The following ELMO1 variants were observed in gnomAD, a reference collection of about 807,000 sequenced individuals.
The protein encoded by ELMO1 is engulfment and cell motility protein 1.
ELMO1 carries 26 observed loss-of-function variants against 98.9 expected under a neutral mutation model. The observed-to-expected ratio is 0.26, with a 90% CI of 0.19 to 0.36. The LOEUF is 0.36. ELMO1 is among the 10% of genes least tolerant of loss of function. The pLI is 1.00. For missense variants in ELMO1, 627 were observed against 935.2 expected (o/e 0.67, Z 4.30); for synonymous variants, 346 against 346.0 (o/e 1.00, Z 0.00).
At chr7:37,090,886 G>A (rs576609078) in intron 15 of ELMO1, among the ~76,000 whole-genome samples, 1 of 152,126 alleles carries the variant, frequency 6.6e-6, no homozygotes, top group African/African-American at 2.4e-5. Flanking sequence ...ATGGAGAATG[G>A]GTTCTAAATC....
chr7:37,303,551 A>G (rs1172311536), intron 4 of ELMO1, among the ~76,000 whole-genome samples: 1 of 152,208 alleles, frequency 6.6e-6, no homozygotes, highest in Non-Finnish European at 1.5e-5. Flanking sequence ...TAAGAATCAC[A>G]GAGCCATTCT....
At chr7:37,225,081 G>A in intron 8 of ELMO1, 51 bp from the exon 9 acceptor site, 1 of 1,606,012 alleles carries the variant, frequency 6.2e-7, no homozygotes, top group African/African-American at 1.3e-5. Context: ...GTAGAGCAGA[G>A]ACGTGGAGAA....
chr7:37,115,568 T>C (rs1365166989), intron 14 of ELMO1, among the ~76,000 whole-genome samples: 2 of 151,724 alleles, frequency 1.3e-5, no homozygotes, highest in Admixed American at 6.6e-5. Flanking sequence ...AAAAAAAAAC[T>C]CTCAGCAAAC....
intron 16 of ELMO1, among the ~76,000 whole-genome samples, chr7:36,957,675 A>G (rs1352409442): frequency 1.3e-5 from 2 of 152,200 alleles, no homozygotes; most frequent in Non-Finnish European, 2.9e-5. Flanking sequence ...GTTTACAAGC[A>G]CCATCTTGTG....
chr7:37,140,262 T>C (rs953833977), intron 13 of ELMO1, among the ~76,000 whole-genome samples: 2 of 150,160 alleles, frequency 1.3e-5, no homozygotes, highest in Non-Finnish European at 3.0e-5. Flanking sequence ...GGCAGGCGCC[T>C]ATAGTCCCAA....
At chr7:36,877,627 A>C (rs1301983108) in intron 19 of ELMO1, among the ~76,000 whole-genome samples, 1 of 152,212 alleles carries the variant, frequency 6.6e-6, no homozygotes, top group Non-Finnish European at 1.5e-5. Flanking sequence ...TAAATGTTGT[A>C]GGGGTCAGGC....
At chr7:37,339,743 G>C (rs981210607) in intron 2 of ELMO1, among the ~76,000 whole-genome samples, 1 of 151,938 alleles carries the variant, frequency 6.6e-6, no homozygotes, top group African/African-American at 2.4e-5. Context: ...CTAATTGCCC[G>C]TCTAGGTTTC....
intron 1 of ELMO1, among the ~76,000 whole-genome samples, chr7:37,434,455 T>A (rs1220733023): frequency 6.6e-6 from 1 of 152,224 alleles, no homozygotes; most frequent in African/African-American, 2.4e-5. Flanking sequence ...CTGTTTAAAA[T>A]TTAAAGAAGA....
At chr7:37,349,873 G>A (rs1315594271) in intron 1 of ELMO1, among the ~76,000 whole-genome samples, 2 of 152,320 alleles carry the variant, frequency 1.3e-5, no homozygotes, top group Non-Finnish European at 2.9e-5. Context: ...TCCTTCTTAT[G>A]CCAAACAGAC....
chr7:37,043,040 C>T (rs541274017), intron 15 of ELMO1, among the ~76,000 whole-genome samples: 2 of 152,298 alleles, frequency 1.3e-5, no homozygotes, highest in African/African-American at 4.8e-5. Context: ...GGGAACAGTG[C>T]CAGTCACCTA....
At chr7:36,877,925 C>T (rs1804102025) in intron 19 of ELMO1, 85 bp downstream of exon 19, 2 of 1,046,844 alleles carry the variant, frequency 1.9e-6, no homozygotes, top group South Asian at 2.7e-5. Context: ...CTTACTTAGG[C>T]TGATAGTTCT....
Position 36,855,826 on chromosome 7 carries a change from G to A in ELMO1, c.1984-75C>T, listed in dbSNP as rs894159444. On this transcript the variant is annotated intron_variant, in intron 21 of 21. Transcript: ENST00000310758. This position sits in a 1 kb window ranked among gnomAD's most constrained non-coding sequence, Gnocchi z 4.2. ...GTATTAATAGTAAAAATAGCTAACA[G>A]TGAATACTCATCCCTCAGTAGGCTG... 10 of 1,541,354 alleles carry A rather than the reference G, an allele frequency of 6.5e-6. No individual in the cohort carries two copies. The African/African-American group carries it at 1.4e-4, about 21-fold the overall frequency.
intron 1 of ELMO1, among the ~76,000 whole-genome samples, chr7:37,430,426 A>G (rs1035383488): frequency 6.6e-6 from 1 of 152,148 alleles, no homozygotes. Flanking sequence ...CACAAAAGGC[A>G]CTCCTCAGAG....
Position 36,876,886 on chromosome 7 carries a change from G to A in ELMO1, c.1822+1124C>T, listed in dbSNP as rs537113590. On this transcript the variant is annotated intron_variant, in intron 19 of 21. Coordinates refer to ENST00000310758, the MANE Select transcript of ELMO1 (RefSeq NM_014800.11). ...GGGAGCCAATAATGTGGGCTGGGAAGAAAGTTTTCCTATGAAAGAAAACAA... is the reference window on the plus strand; with the variant it reads ...GGGAGCCAATAATGTGGGCTGGGAAAAAAGTTTTCCTATGAAAGAAAACAA... 5.9e-5 allele frequency among the ~76,000 whole-genome samples: 9 copies of A among 152,334 alleles called. No individual in the cohort carries two copies. The East Asian group carries it at 1.7e-3, about 29-fold the overall frequency.
At chr7:37,352,758 A>C (rs1484962481) in intron 1 of ELMO1, among the ~76,000 whole-genome samples, 1 of 152,254 alleles carries the variant, frequency 6.6e-6, no homozygotes, top group African/African-American at 2.4e-5. Context: ...TCCAATTCAG[A>C]GAACAGTAAA....
intron 4 of ELMO1, among the ~76,000 whole-genome samples, chr7:37,307,644 T>A (rs1261358610): frequency 6.6e-6 from 1 of 152,212 alleles, no homozygotes; most frequent in East Asian, 1.9e-4. Context: ...ATAAATAAAA[T>A]GAGCTGTTTT....
intron 16 of ELMO1, among the ~76,000 whole-genome samples, chr7:36,957,522 A>T (rs752078307): frequency 7.9e-5 from 12 of 152,178 alleles, no homozygotes; most frequent in Non-Finnish European, 1.5e-4. Context: ...CTCACAGATG[A>T]TCTACCCAAT....
chr7:37,377,356 G>A lies in ELMO1; in HGVS notation c.-73-34593C>T, dbSNP rs186627235. 9.9e-5 allele frequency among the ~76,000 whole-genome samples: 15 copies of A among 152,146 alleles called. No homozygotes were observed. The East Asian group carries it at 1.7e-3, about 18-fold the overall frequency. On this transcript the variant is annotated intron_variant, in intron 1 of 21. Transcript: ENST00000310758. ...GTGAAGGTGCCAGGCCATGTGTCTC[G>A]GGGTAGCCAAAGTGAAAAGTCACTT...
At chr7:36,905,662 AAAG>A (rs1255819477) in intron 16 of ELMO1, among the ~76,000 whole-genome samples, 1 of 152,240 alleles carries the variant, frequency 6.6e-6, no homozygotes, top group Non-Finnish European at 1.5e-5. Flanking sequence ...TATGGCCTGA[AAAG>A]AAGGAGTCAG....
Sources: gnomAD v4.1 joint callset for allele counts (sites outside exome capture counted in the v4.1 genomes callset) on GRCh38, gnomAD v4.1.1 for gene constraint, Gnocchi (gnomAD v3.1) non-coding constraint, MANE v1.5 for transcripts, NCBI Gene and HGNC (gene_info 2026-07-23, HGNC 2026-07-21) for gene names.